HEATR5A: variants seen among roughly 807,000 people sequenced by gnomAD.
The protein encoded by HEATR5A is HEAT repeat containing 5A, also known as HEAT repeat-containing protein 5A.
A neutral mutation model predicts 218.8 loss-of-function variants in HEATR5A; 178 were observed. That is an observed-to-expected ratio of 0.81 (90% CI 0.72 to 0.92). The LOEUF (loss-of-function observed/expected upper bound fraction) is 0.92, where lower values mean the gene tolerates loss of function less well. Ranked by LOEUF, HEATR5A falls within the 40% of genes least tolerant of loss-of-function variation. The pLI, the probability that HEATR5A is intolerant of heterozygous loss-of-function variation, is 0.00. For synonymous variants in HEATR5A, 864 were observed against 871.6 expected (o/e 0.99, Z 0.15); for missense variants, 2,420 against 2,418.9 (o/e 1.00, Z -0.01).
chr14:31,384,327 C>A (rs2030116331), intron 9 of HEATR5A, among the ~76,000 whole-genome samples: 1 of 151,744 alleles, frequency 6.6e-6, no homozygotes, highest in Admixed American at 6.6e-5. Flanking sequence ...GCCTGCTGTC[C>A]CAGCTACTAG....
chr14:31,408,460 C>G (rs1486213789), intron 1 of HEATR5A, among the ~76,000 whole-genome samples: 3 of 152,074 alleles, frequency 2.0e-5, no homozygotes, highest in African/African-American at 7.2e-5. Context: ...TAATGCCTTT[C>G]TAGATGTCCT....
intron 7 of HEATR5A, among the ~76,000 whole-genome samples, chr14:31,387,862 A>G (rs1460315210): frequency 6.6e-6 from 1 of 152,172 alleles, no homozygotes; most frequent in African/African-American, 2.4e-5. Context: ...ACCCGGCCTG[A>G]AGTGCATAGT....
chr14:31,359,306 G>C (rs576484571), intron 14 of HEATR5A, among the ~76,000 whole-genome samples: 1 of 151,900 alleles, frequency 6.6e-6, no homozygotes, highest in South Asian at 2.1e-4. Context: ...GTGTGTGTGT[G>C]TGTGTGTGTG....
At chr14:31,372,092 AAAC>A (rs377672648) in intron 12 of HEATR5A, among the ~76,000 whole-genome samples, 183 bp from the exon 13 acceptor site, 25 of 152,270 alleles carry the variant, frequency 1.6e-4, no homozygotes, top group African/African-American at 5.3e-4. Context: ...ATACTTAAAA[AAAC>A]AACAACAACT....
chr14:31,357,522 C>T (rs554756944), intron 16 of HEATR5A, among the ~76,000 whole-genome samples: 1 of 152,310 alleles, frequency 6.6e-6, no homozygotes, highest in African/African-American at 2.4e-5. Context: ...GAGAGATTCA[C>T]TTCCCATTTC....
At chr14:31,315,684 C>T (rs1829151648) in intron 27 of HEATR5A, 86 bp downstream of exon 27, 2 of 942,628 alleles carry the variant, frequency 2.1e-6, no homozygotes, top group Non-Finnish European at 1.5e-6. Context: ...ATTTGTAGTT[C>T]ATTTTAAACA....
chr14:31,416,437 G>A (rs975687473), intron 1 of HEATR5A, among the ~76,000 whole-genome samples: 2 of 152,012 alleles, frequency 1.3e-5, no homozygotes, highest in Non-Finnish European at 2.9e-5. Context: ...TTTTAAGATT[G>A]GCAAAAGTAT....
chr14:31,339,549 T>C lies in HEATR5A; in HGVS notation c.3229-1935A>G, dbSNP rs114259174. Among the ~76,000 whole-genome samples the C allele has an allele frequency of 8.9e-3, 1,353 of 152,088 alleles. 15 individuals carry two copies. Among genetic ancestry groups the C allele is most frequent in the African/African-American group, 0.031 (1,279 of 41,488 alleles). On this transcript the variant is annotated intron_variant, in intron 21 of 35. Coordinates refer to ENST00000543095, the MANE Select transcript of HEATR5A (RefSeq NM_015473.4). ...TCAGAAGCCAAGAAACAGAAAAAAT[T>C]TGTGCATATATCATCACTGAGTAGT...
chr14:31,399,710 G>A (rs1336038017), intron 3 of HEATR5A, among the ~76,000 whole-genome samples: 2 of 152,100 alleles, frequency 1.3e-5, no homozygotes, highest in Non-Finnish European at 2.9e-5. Flanking sequence ...TGTGCCTGTA[G>A]TCCCAGCTAC....
At chr14:31,299,064 T>A (rs937445921) in intron 33 of HEATR5A, among the ~76,000 whole-genome samples, 21 of 152,306 alleles carry the variant, frequency 1.4e-4, no homozygotes, top group Non-Finnish European at 2.8e-4. Flanking sequence ...ATTTTGGTCC[T>A]CTTCTTGCTC....
intron 22 of HEATR5A, among the ~76,000 whole-genome samples, chr14:31,327,516 C>T (rs1487635365): frequency 2.0e-5 from 3 of 151,722 alleles, no homozygotes; most frequent in Non-Finnish European, 2.9e-5. Context: ...GTCCCGAACT[C>T]CTGACCTTAG....
chr14:31,416,565 A>G (rs894291108), intron 1 of HEATR5A, among the ~76,000 whole-genome samples: 1 of 151,944 alleles, frequency 6.6e-6, no homozygotes, highest in African/African-American at 2.4e-5. Context: ...ATATGGCCAT[A>G]TTATGCTTCT....
intron 3 of HEATR5A, among the ~76,000 whole-genome samples, chr14:31,399,854 C>T (rs1456824276): frequency 6.6e-6 from 1 of 152,114 alleles, no homozygotes; most frequent in African/African-American, 2.4e-5. Context: ...AGAAATATTA[C>T]ATGGCTCATT....
chr14:31,322,332 C>T (rs2139166985), intron 24 of HEATR5A, among the ~76,000 whole-genome samples: 1 of 152,292 alleles, frequency 6.6e-6, no homozygotes, highest in East Asian at 1.9e-4. Context: ...GCACAGGAAT[C>T]AGTTAAGTAT....
chr14:31,419,522 T>G (rs1471287137), intron 1 of HEATR5A, among the ~76,000 whole-genome samples: 1 of 152,222 alleles, frequency 6.6e-6, no homozygotes, highest in East Asian at 1.9e-4. Context: ...CCCCTTTTTT[T>G]CCTCCTTAAA....
In HEATR5A at chr14:31,395,297, G is replaced by C. The variant is rs1039077834; in HGVS notation, c.499C>G (p.Leu167Val). 2.0e-6 allele frequency: 3 copies of C among 1,529,980 alleles called. No homozygotes were observed. The highest frequency in any genetic ancestry group is 2.6e-6 in the Non-Finnish European group (3 of 1,141,676). The allele number at this position is 1,529,980 out of a possible 1,614,324, so 94.8% of individuals were successfully genotyped here. A position where few individuals can be genotyped will look rare whatever the true frequency, so the allele number is the denominator to read the frequency against. The change falls in exon 5 of 36, where the codon CTA (leucine) becomes GTA (valine). Residue 167 changes from leucine to valine, a missense_variant. Physicochemically the swap from Leu to Val is conservative, Grantham distance 32. Transcript: ENST00000543095. ...TGACAAGGTGCAGCGGCAGCTCCTAGTCCATTCAATATATTTTGCAGACTT... is the reference window on the plus strand; with the variant it reads ...TGACAAGGTGCAGCGGCAGCTCCTACTCCATTCAATATATTTTGCAGACTT... ...MLSLQNILNGLGAAAAPCHRD... is the reference protein window; with the variant it reads ...MLSLQNILNGVGAAAAPCHRD...
At chr14:31,395,773 T>C (rs1043583613) in intron 4 of HEATR5A, among the ~76,000 whole-genome samples, 2 of 152,138 alleles carry the variant, frequency 1.3e-5, no homozygotes, top group African/African-American at 4.8e-5. Context: ...TTGTAAGGAA[T>C]AAATGAGTCA....
At chr14:31,379,724 C>G (rs780186114) in intron 11 of HEATR5A, among the ~76,000 whole-genome samples, 1 of 152,054 alleles carries the variant, frequency 6.6e-6, no homozygotes, top group African/African-American at 2.4e-5. Context: ...GAGGCCAAGG[C>G]GGAAGGACTG....
chr14:31,318,909 T>C (rs1380845858), intron 25 of HEATR5A, among the ~76,000 whole-genome samples: 1 of 152,192 alleles, frequency 6.6e-6, no homozygotes, highest in Non-Finnish European at 1.5e-5. Context: ...AAAGAAGCAC[T>C]GTATCTTTCT....
Sources: gnomAD v4.1 joint callset for allele counts (sites outside exome capture counted in the v4.1 genomes callset) on GRCh38, gnomAD v4.1.1 for gene constraint, MANE v1.5 for transcripts, NCBI Gene and HGNC (gene_info 2026-07-23, HGNC 2026-07-21) for gene names.